COL23A1: variants seen among roughly 807,000 people sequenced by gnomAD.
The protein encoded by COL23A1 is collagen alpha-1(XXIII) chain.
COL23A1 carries 97 observed loss-of-function variants against 99.3 expected under a neutral mutation model. That is an observed-to-expected ratio of 0.98 (90% confidence interval 0.83 to 1.16). The LOEUF (loss-of-function observed/expected upper bound fraction) is 1.16, where lower values mean the gene tolerates loss of function less well. Ranked by LOEUF, COL23A1 falls within the 50% of genes most tolerant of loss-of-function variation. The pLI is 0.00. For missense variants in COL23A1, 762 were observed against 757.4 expected (o/e 1.01, Z -0.07); for synonymous variants, 320 against 308.2 (o/e 1.04, Z -0.40).
intron 4 of COL23A1, among the ~76,000 whole-genome samples, chr5:178,289,179 C>T (rs1021396354): frequency 6.6e-6 from 1 of 151,780 alleles, no homozygotes; most frequent in Non-Finnish European, 1.5e-5. Context: ...GGGCACTGAT[C>T]GGGAAACCAA....
At chr5:178,555,189 C>T (rs993468236) in intron 2 of COL23A1, among the ~76,000 whole-genome samples, 3 of 152,148 alleles carry the variant, frequency 2.0e-5, no homozygotes, top group South Asian at 2.1e-4. Context: ...ACAGGGACAG[C>T]GGTCATGAGG....
At chr5:178,249,346 A>G (rs1581447063) in intron 18 of COL23A1, 140 bp from the exon 19 acceptor site, 1 of 809,208 alleles carries the variant, frequency 1.2e-6, no homozygotes, top group Non-Finnish European at 2.1e-6. Flanking sequence ...AGTGGCTGGG[A>G]GCCTCACCCG....
intron 22 of COL23A1, 111 bp downstream of exon 22, chr5:178,247,415 G>T (rs945278276): frequency 1.6e-6 from 2 of 1,274,176 alleles, no homozygotes; most frequent in East Asian, 2.3e-5. Context: ...GGAAGACTCA[G>T]GGATGGGCCA....
intron 3 of COL23A1, among the ~76,000 whole-genome samples, chr5:178,298,166 T>C (rs1757848491): frequency 6.6e-6 from 1 of 152,116 alleles, no homozygotes; most frequent in Non-Finnish European, 1.5e-5. Context: ...ACCTGGGAAA[T>C]ACGTGAAAGC....
At position 178,249,192 on chromosome 5, in the gene COL23A1, C is replaced by T. The variant is rs372995342; in HGVS notation, c.1074G>A (p.Gln358=). Residue 358 remains glutamine, a synonymous_variant, in exon 19 of 29, where the codon CAG becomes CAA. Coordinates refer to ENST00000390654, the MANE Select transcript of COL23A1 (RefSeq NM_173465.4). ...GCCCAGGCTCTCCTGGGTCTCCTTTCTGTCCTTTGGGGCCCTGAAAGCCAT... is the reference window on the plus strand; with the variant it reads ...GCCCAGGCTCTCCTGGGTCTCCTTTTTGTCCTTTGGGGCCCTGAAAGCCAT... ...GIDGEKGPKG[Q]KGDPGEPGPA... is the part of the protein sequence containing the mutation. 1 of 1,614,120 alleles carries T rather than the reference C, an allele frequency of 6.2e-7. No individual in the cohort carries two copies. The highest frequency in any genetic ancestry group is 8.5e-7 in the Non-Finnish European group (1 of 1,180,040).
At chr5:178,494,870 C>G (rs1397522950) in intron 2 of COL23A1, among the ~76,000 whole-genome samples, 1 of 152,172 alleles carries the variant, frequency 6.6e-6, no homozygotes, top group African/African-American at 2.4e-5. Context: ...CCACAGGGAA[C>G]AATGACATTT....
At chr5:178,327,324 G>A (rs1019031190) in intron 2 of COL23A1, among the ~76,000 whole-genome samples, 1 of 152,186 alleles carries the variant, frequency 6.6e-6, no homozygotes, top group African/African-American at 2.4e-5. Context: ...ACGTGCAGGT[G>A]CCCTGGGTGT....
At chr5:178,570,751 A>T (rs1365824819) in intron 1 of COL23A1, among the ~76,000 whole-genome samples, 1 of 152,142 alleles carries the variant, frequency 6.6e-6, no homozygotes, top group African/African-American at 2.4e-5. Context: ...GGCTGAGCAC[A>T]TGGAGGGGGG....
At chr5:178,351,618 G>A (rs1007510743) in intron 2 of COL23A1, among the ~76,000 whole-genome samples, 5 of 152,166 alleles carry the variant, frequency 3.3e-5, no homozygotes, top group African/African-American at 9.6e-5. Flanking sequence ...AGGTAGCAGC[G>A]CAGGCCGGGG....
At chr5:178,516,097 C>T (rs534289169) in intron 2 of COL23A1, among the ~76,000 whole-genome samples, 170 of 152,298 alleles carry the variant, frequency 1.1e-3, no homozygotes, top group African/African-American at 3.9e-3. Context: ...TACTCCACGG[C>T]ACCCTGGGCG....
At chr5:178,534,522 GT>G (rs57248954) in intron 2 of COL23A1, among the ~76,000 whole-genome samples, 71,651 of 151,954 alleles carry the variant, frequency 0.47, 17,512 homozygotes, top group Non-Finnish European at 0.55. Flanking sequence ...GCTCACACCT[GT>G]TAATCCCAGC....
At chr5:178,359,226 A>C (rs185612285) in intron 2 of COL23A1, among the ~76,000 whole-genome samples, 1 of 152,332 alleles carries the variant, frequency 6.6e-6, no homozygotes, top group Admixed American at 6.5e-5. Context: ...CCAAGACGAA[A>C]TAAGATAGTG....
At chr5:178,463,040 A>G (rs1020891237) in intron 2 of COL23A1, among the ~76,000 whole-genome samples, 8 of 152,262 alleles carry the variant, frequency 5.3e-5, no homozygotes, top group Admixed American at 4.6e-4. Context: ...GAATGTGCAA[A>G]GGCCACGTCA....
In COL23A1 at chr5:178,247,791, C is replaced by T. The variant is rs758026064; in HGVS notation, c.1253G>A (p.Gly418Asp). Residue 418 changes from glycine to aspartate, a missense_variant, in exon 21 of 29, where the codon GGC (glycine) becomes GAC (aspartate). Gly to Asp is a moderately conservative substitution (Grantham distance 94). Transcript: ENST00000390654. ...CGTCCTTACCATCGGGCCTGGGGGG[C>T]CAGGGGGGCCAGGGGGCCCTGGCTC... is the stretch of plus-strand genomic sequence containing the variant. ...IVEPGPPGPPGPPGPMGLQGI... is the reference protein window; with the variant it reads ...IVEPGPPGPPDPPGPMGLQGI... The T allele has an allele frequency of 9.3e-6, 15 of 1,611,782 alleles. No individual in the cohort carries two copies. The South Asian group carries it at 1.7e-4, about 18-fold the overall frequency.
At chr5:178,580,339 AAAG>A (rs1329857003) in intron 1 of COL23A1, among the ~76,000 whole-genome samples, 1 of 152,002 alleles carries the variant, frequency 6.6e-6, no homozygotes, top group African/African-American at 2.4e-5. Context: ...AAAAAAAAAA[AAAG>A]AAAGAAAGAA....
At chr5:178,355,495 G>A (rs1761589526) in intron 2 of COL23A1, among the ~76,000 whole-genome samples, 1 of 152,036 alleles carries the variant, frequency 6.6e-6, no homozygotes, top group Non-Finnish European at 1.5e-5. Context: ...TTGCTATAAA[G>A]AACTACCGAA....
intron 3 of COL23A1, among the ~76,000 whole-genome samples, chr5:178,300,348 G>A (rs1460947496): frequency 6.6e-6 from 1 of 152,068 alleles, no homozygotes; most frequent in East Asian, 1.9e-4. Flanking sequence ...TTACAGGCAT[G>A]AGCCACTGCA....
At chr5:178,562,736 T>TGGTGGGG (rs1554197569) in intron 1 of COL23A1, 1 of 106,824 alleles carries the variant, frequency 9.4e-6, no homozygotes, top group African/African-American at 4.9e-5. Context: ...TGGCTGGTGG[T>TGGTGGGG]GGGGGGGGTG....
chr5:178,556,376 A>T (rs1266533116), intron 2 of COL23A1, among the ~76,000 whole-genome samples: 1 of 152,046 alleles, frequency 6.6e-6, no homozygotes, highest in Non-Finnish European at 1.5e-5. Flanking sequence ...TAATCCCAGT[A>T]CTTTGGGAGG....
Sources: allele counts gnomAD v4.1 joint callset (sites outside exome capture counted in the v4.1 genomes callset), GRCh38; gene constraint gnomAD v4.1.1; transcripts MANE v1.5; gene names NCBI Gene and HGNC (gene_info 2026-07-23, HGNC 2026-07-21).